The following STXBP5L variants were observed in gnomAD, a reference collection of about 807,000 sequenced individuals.
STXBP5L encodes the protein syntaxin-binding protein 5-like.
Under a neutral mutation model 144.5 loss-of-function variants are expected in STXBP5L, and 65 were observed. The ratio of observed to expected loss-of-function variants is 0.45; its 90% confidence interval spans 0.37 to 0.55. The LOEUF is 0.55. STXBP5L is among the 20% of genes least tolerant of loss of function. The pLI, the probability that STXBP5L is intolerant of heterozygous loss-of-function variation, is 0.00. For missense variants in STXBP5L, 1,298 were observed against 1,405.5 expected (o/e 0.92, Z 1.22); for synonymous variants, 505 against 469.6 (o/e 1.08, Z -0.97).
intron 5 of STXBP5L, among the ~76,000 whole-genome samples, chr3:121,056,103 T>G (rs1948443064): frequency 6.6e-6 from 1 of 152,174 alleles, no homozygotes; most frequent in Admixed American, 6.6e-5. Context: ...TTGCATCTGG[T>G]AAGGCTTATA....
chr3:121,155,527 C>T (rs1347914532), intron 8 of STXBP5L, among the ~76,000 whole-genome samples: 1 of 151,858 alleles, frequency 6.6e-6, no homozygotes, highest in East Asian at 1.9e-4. Context: ...GTTGATAAAA[C>T]TAGCTAGTAT....
At position 121,058,763 on chromosome 3, in the gene STXBP5L, A is replaced by C. The variant is rs182998616; in HGVS notation, c.470+13228A>C. ...TGTTTTTCATATGTTTGTTGGCTACATAAATGTCTTCTTTTGAGGAGTGTC... is the reference window on the plus strand; with the variant it reads ...TGTTTTTCATATGTTTGTTGGCTACCTAAATGTCTTCTTTTGAGGAGTGTC... On this transcript the variant is annotated intron_variant, in intron 5 of 26. Transcript: ENST00000471454. Among the ~76,000 whole-genome samples the C allele has an allele frequency of 4.3e-3, 649 of 152,364 alleles. 5 individuals carry two copies. The highest frequency in any genetic ancestry group is 0.015 in the African/African-American group (619 of 41,590).
chr3:120,924,272 A>G lies in STXBP5L; in HGVS notation c.189+14505A>G, dbSNP rs75476162. Among the ~76,000 whole-genome samples the G allele has an allele frequency of 3.1e-3, 466 of 152,302 alleles. 5 individuals carry two copies. Among genetic ancestry groups the G allele is most frequent in the African/African-American group, 0.011 (449 of 41,570 alleles). Reference sequence around the variant, plus strand: ...AAAGCCCAAAGAAATTAGAGCAAAAACAGTCAAATTCATGTGAATGAATGC... The same window carrying G: ...AAAGCCCAAAGAAATTAGAGCAAAAGCAGTCAAATTCATGTGAATGAATGC... On this transcript the variant is annotated intron_variant, in intron 2 of 26. Coordinates refer to ENST00000471454, the MANE Select transcript of STXBP5L (RefSeq NM_001308330.2).
At chr3:121,287,705 T>C (rs994546470) in intron 19 of STXBP5L, among the ~76,000 whole-genome samples, 3 of 152,040 alleles carry the variant, frequency 2.0e-5, no homozygotes, top group African/African-American at 7.2e-5. Flanking sequence ...GGCGGGCTCC[T>C]GTAATTCCAG....
At chr3:121,042,764 A>G (rs945341070) in intron 4 of STXBP5L, among the ~76,000 whole-genome samples, 13 of 152,268 alleles carry the variant, frequency 8.5e-5, no homozygotes, top group Non-Finnish European at 1.8e-4. Context: ...AGTCTTTCTC[A>G]GAGGACTATG....
At chr3:121,296,925 G>C (rs554996423) in intron 19 of STXBP5L, among the ~76,000 whole-genome samples, 1 of 152,234 alleles carries the variant, frequency 6.6e-6, no homozygotes, top group African/African-American at 2.4e-5. Flanking sequence ...GTCTTAATGT[G>C]CTGTATTCTG....
chr3:120,944,027 T>G (rs576695741), intron 2 of STXBP5L, among the ~76,000 whole-genome samples: 1 of 151,494 alleles, frequency 6.6e-6, no homozygotes, highest in African/African-American at 2.4e-5. Context: ...GAAGAAAATT[T>G]AAAAAAATTA....
chr3:121,342,765 G>T (rs2044769261), intron 20 of STXBP5L, among the ~76,000 whole-genome samples: 1 of 146,868 alleles, frequency 6.8e-6, no homozygotes, highest in Non-Finnish European at 1.5e-5. Context: ...ATTTGGGTTG[G>T]TTCCAAGTCT....
chr3:120,909,871 G>A, intron 2 of STXBP5L, 104 bp downstream of exon 2: 1 of 1,211,086 alleles, frequency 8.3e-7, no homozygotes, highest in Non-Finnish European at 1.1e-6. Context: ...TGAGATGTCA[G>A]CATCAGAGTC....
chr3:121,201,970 G>A (rs746796285), intron 9 of STXBP5L, among the ~76,000 whole-genome samples: 5 of 152,110 alleles, frequency 3.3e-5, no homozygotes, highest in African/African-American at 9.7e-5. Flanking sequence ...TGGCCAGGCC[G>A]GTGTTGAACA....
chr3:121,175,372 A>G (rs2046892722), intron 9 of STXBP5L, among the ~76,000 whole-genome samples: 1 of 152,138 alleles, frequency 6.6e-6, no homozygotes, highest in Non-Finnish European at 1.5e-5. Flanking sequence ...CTAGAAAAAA[A>G]TATGTTCATC....
intron 9 of STXBP5L, among the ~76,000 whole-genome samples, chr3:121,181,782 C>A (rs2108109403): frequency 6.6e-6 from 1 of 151,976 alleles, no homozygotes; most frequent in Middle Eastern, 3.4e-3. Context: ...AAACAAAAAA[C>A]AACCAAGTGT....
intron 20 of STXBP5L, among the ~76,000 whole-genome samples, chr3:121,338,697 A>T (rs966328288): frequency 6.6e-6 from 1 of 151,800 alleles, no homozygotes; most frequent in Non-Finnish European, 1.5e-5. Flanking sequence ...GAAGGAAGGA[A>T]GGAAGGAAAA....
chr3:121,306,045 G>C (rs2043327431), intron 19 of STXBP5L, among the ~76,000 whole-genome samples: 1 of 152,190 alleles, frequency 6.6e-6, no homozygotes, highest in Non-Finnish European at 1.5e-5. Context: ...CCAGCTGGCA[G>C]CCTGAGGAGT....
chr3:121,378,981 GA>G (rs2046260965), intron 21 of STXBP5L, 95 bp downstream of exon 21: 1 of 1,322,682 alleles, frequency 7.6e-7, no homozygotes, highest in Admixed American at 2.5e-5. Flanking sequence ...ACATATGAAA[GA>G]TGTTAAAAAA....
At chr3:121,080,953 T>A (rs969438895) in intron 5 of STXBP5L, among the ~76,000 whole-genome samples, 1 of 152,220 alleles carries the variant, frequency 6.6e-6, no homozygotes, top group Non-Finnish European at 1.5e-5. Flanking sequence ...CCTTCAGATA[T>A]GTTTCCCAAA....
At position 121,050,473 on chromosome 3, in the gene STXBP5L, C is replaced by A. The variant is rs965250932; in HGVS notation, c.470+4938C>A. On this transcript the variant is annotated intron_variant, in intron 5 of 26. Transcript: ENST00000471454. ...GAATTTTCAACCCAGAATTTCATAT[C>A]CAGCCAAACTAAGCTTCATAATTGA... Among the ~76,000 whole-genome samples, 3 of 152,046 alleles carry A rather than the reference C, an allele frequency of 2.0e-5. No homozygotes were observed. The South Asian group carries it at 6.2e-4, about 32-fold the overall frequency.
chr3:120,937,699 T>A (rs1312052788), intron 2 of STXBP5L, among the ~76,000 whole-genome samples: 2 of 152,182 alleles, frequency 1.3e-5, no homozygotes, highest in Non-Finnish European at 2.9e-5. Context: ...AGCTTCCACA[T>A]GCCAGACTAG....
intron 5 of STXBP5L, among the ~76,000 whole-genome samples, chr3:121,092,146 C>T (rs1050700663): frequency 6.6e-6 from 1 of 152,116 alleles, no homozygotes; most frequent in Admixed American, 6.6e-5. Context: ...GTTTTGGTAC[C>T]AGTACCATGC....
Sources: allele counts gnomAD v4.1 joint callset (sites outside exome capture counted in the v4.1 genomes callset), GRCh38; gene constraint gnomAD v4.1.1; transcripts MANE v1.5; gene names NCBI Gene and HGNC (gene_info 2026-07-23, HGNC 2026-07-21).